IHO1: variants seen among roughly 807,000 people sequenced by gnomAD.
IHO1 encodes interactor of HORMAD1 1.
IHO1 carries 13 observed loss-of-function variants against 31.0 expected under a neutral mutation model. The ratio of observed to expected loss-of-function variants is 0.42; its 90% CI spans 0.27 to 0.67. The LOEUF is 0.67. Among genes scored for constraint, IHO1 ranks in the 30% least tolerant of loss-of-function variants. The probability of loss-of-function intolerance (pLI) is 0.24; values close to 1 mark genes in which losing one functional copy is unlikely to be tolerated. For missense variants in IHO1, 599 were observed against 687.5 expected (o/e 0.87, Z 1.44); for synonymous variants, 221 against 248.4 (o/e 0.89, Z 1.04).
At chr3:49,204,093 C>G (rs1359059386) in intron 1 of IHO1, among the ~76,000 whole-genome samples, 1 of 152,060 alleles carries the variant, frequency 6.6e-6, no homozygotes, top group Non-Finnish European at 1.5e-5. Flanking sequence ...TTATAACAAC[C>G]CACTCTAGTG....
chr3:49,244,539 G>A (rs2046672491), intron 5 of IHO1, 87 bp downstream of exon 5: 1 of 1,290,798 alleles, frequency 7.7e-7, no homozygotes, highest in African/African-American at 1.5e-5. Flanking sequence ...AGTTAATGTA[G>A]AATAGCAATA....
At chr3:49,218,031 C>T (rs2046309996) in intron 2 of IHO1, among the ~76,000 whole-genome samples, 1 of 152,198 alleles carries the variant, frequency 6.6e-6, no homozygotes, top group African/African-American at 2.4e-5. Flanking sequence ...TTTTATTCTG[C>T]AGCTTTCTCA....
intron 1 of IHO1, among the ~76,000 whole-genome samples, chr3:49,205,572 C>T (rs1050193236): frequency 2.0e-5 from 3 of 150,898 alleles, no homozygotes; most frequent in South Asian, 4.2e-4. Flanking sequence ...GCGATTACAG[C>T]GTGAACCACT....
intron 6 of IHO1, among the ~76,000 whole-genome samples, chr3:49,253,165 C>T (rs2107742124): frequency 6.6e-6 from 1 of 152,222 alleles, no homozygotes; most frequent in Middle Eastern, 3.4e-3. Context: ...GTGGCTTATG[C>T]CTGTAATCCC....
At chr3:49,201,983 A>G (rs1559435296) in intron 1 of IHO1, among the ~76,000 whole-genome samples, 1 of 152,212 alleles carries the variant, frequency 6.6e-6, no homozygotes, top group Non-Finnish European at 1.5e-5. Flanking sequence ...CACAAAATCT[A>G]GTTGTAATTT....
At chr3:49,211,156 C>T (rs1327131848) in intron 1 of IHO1, among the ~76,000 whole-genome samples, 1 of 151,502 alleles carries the variant, frequency 6.6e-6, no homozygotes, top group Non-Finnish European at 1.5e-5. Flanking sequence ...TACAGGCACC[C>T]ACCACCACGC....
At chr3:49,205,638 G>A (rs1026040417) in intron 1 of IHO1, among the ~76,000 whole-genome samples, 30 of 151,382 alleles carry the variant, frequency 2.0e-4, no homozygotes, top group Non-Finnish European at 4.1e-4. Context: ...CTGTTACCCA[G>A]GCTGGAGTGT....
intron 2 of IHO1, among the ~76,000 whole-genome samples, chr3:49,235,137 C>T (rs1427282753): frequency 3.3e-5 from 5 of 152,050 alleles, no homozygotes; most frequent in Non-Finnish European, 7.4e-5. Flanking sequence ...CGTGAGCCAC[C>T]GTGCCTGGCC....
chr3:49,205,437 G>A (rs1290268786), intron 1 of IHO1, among the ~76,000 whole-genome samples: 2 of 151,470 alleles, frequency 1.3e-5, no homozygotes, highest in Non-Finnish European at 2.9e-5. Flanking sequence ...TCCTACCTCA[G>A]CCTCCTGAGG....
At chr3:49,223,233 G>T (rs191886942) in intron 2 of IHO1, among the ~76,000 whole-genome samples, 1 of 152,208 alleles carries the variant, frequency 6.6e-6, no homozygotes. Context: ...ATGGGCAAAA[G>T]ACTAGGCCAT....
In IHO1 at chr3:49,227,478, G is replaced by A. The variant is rs570608968; in HGVS notation, c.57-9070G>A. Among the ~76,000 whole-genome samples, 16 of 152,242 alleles carry A rather than the reference G, an allele frequency of 1.1e-4. No homozygotes were observed. The South Asian group carries it at 2.3e-3, about 22-fold the overall frequency. On this transcript the variant is annotated intron_variant, in intron 2 of 7. Transcript: ENST00000452691. ...TGCTGATTGGAATATTGCACTCACCGACGCAGCAGCAGAAACAGTAGTTTT... is the reference window on the plus strand; with the variant it reads ...TGCTGATTGGAATATTGCACTCACCAACGCAGCAGCAGAAACAGTAGTTTT...
Position 49,256,943 on chromosome 3 carries a change from TTC to T in IHO1, c.1448_1449del (p.Ser483CysfsTer41), listed in dbSNP as rs1161115001. 1.2e-6 allele frequency: 2 copies of T among 1,614,092 alleles called. No individual in the cohort carries two copies. The highest frequency in any genetic ancestry group is 2.7e-5 in the African/African-American group (2 of 74,934). ...SKYQSPQPAI[S>X]VPQSPFLGQQ... Reference sequence around the variant, plus strand: ...AATATCAGAGTCCTCAGCCTGCAATTTCTGTCCCTCAAAGCCCCTTCCTGGGG... The same window carrying T: ...AATATCAGAGTCCTCAGCCTGCAATTTGTCCCTCAAAGCCCCTTCCTGGGG... On this transcript the variant is annotated frameshift_variant, in exon 8 of 8. Coordinates refer to ENST00000452691, the MANE Select transcript of IHO1 (RefSeq NM_001135197.2). LOFTEE classifies it low-confidence loss of function (END_TRUNC). The surrounding 1 kb of genome is among the most constrained non-coding windows in gnomAD (Gnocchi z 4.6).
chr3:49,236,461 A>G (rs2046560742), intron 2 of IHO1, 87 bp from the exon 3 acceptor site: 3 of 979,008 alleles, frequency 3.1e-6, no homozygotes, highest in Non-Finnish European at 4.6e-6. Context: ...TCTGCCCAAA[A>G]TGTTCTGAAA....
chr3:49,221,218 G>GAGCGCTGATTGGTGTATTTTTAC (rs2046352009), intron 2 of IHO1, among the ~76,000 whole-genome samples: 1 of 152,116 alleles, frequency 6.6e-6, no homozygotes, highest in Non-Finnish European at 1.5e-5. Flanking sequence ...GCTAGACACA[G>GAGCGCTGATTGGTGTATTTTTAC]AGCGCTGATT....
rs193047925 is a variant in IHO1, at chr3:49,225,237, G to A, written c.57-11311G>A. ...TCCCAGCACTTTGGGAGGCTGAGGC[G>A]GGCAGATCATCAGGTCAGGAGTTCA... is the stretch of plus-strand genomic sequence containing the variant. On this transcript the variant is annotated intron_variant, in intron 2 of 7. Coordinates refer to ENST00000452691, the MANE Select transcript of IHO1 (RefSeq NM_001135197.2). 5.0e-3 allele frequency among the ~76,000 whole-genome samples: 759 copies of A among 152,250 alleles called. 3 individuals carry two copies. Among genetic ancestry groups the A allele is most frequent in the Non-Finnish European group, 8.2e-3 (555 of 68,014 alleles).
At chr3:49,225,380 T>G (rs2107704701) in intron 2 of IHO1, among the ~76,000 whole-genome samples, 1 of 152,236 alleles carries the variant, frequency 6.6e-6, no homozygotes, top group South Asian at 2.1e-4. Flanking sequence ...GGAGAATCAC[T>G]TGAACCCAGG....
chr3:49,236,521 GATACAC>G, intron 2 of IHO1, 21 bp from the exon 3 acceptor site: 1 of 1,526,924 alleles, frequency 6.5e-7, no homozygotes, highest in South Asian at 1.1e-5. Context: ...TTGTCTATTT[GATACAC>G]TTTTTTTTGC....
At chr3:49,210,315 C>T (rs1575565959) in intron 1 of IHO1, among the ~76,000 whole-genome samples, 2 of 151,904 alleles carry the variant, frequency 1.3e-5, no homozygotes, top group Admixed American at 1.3e-4. Context: ...TAGCTCACTA[C>T]AGCCTTGACC....
chr3:49,217,285 A>G (rs1410476660), intron 2 of IHO1, among the ~76,000 whole-genome samples: 1 of 152,162 alleles, frequency 6.6e-6, no homozygotes, highest in Admixed American at 6.6e-5. Context: ...TGGCACATAT[A>G]CACCATGGAA....
Sources: allele counts gnomAD v4.1 joint callset (sites outside exome capture counted in the v4.1 genomes callset), GRCh38; gene constraint gnomAD v4.1.1; non-coding constraint Gnocchi (gnomAD v3.1); transcripts MANE v1.5; gene names NCBI Gene and HGNC (gene_info 2026-07-23, HGNC 2026-07-21).